CREM: variants seen among roughly 807,000 people sequenced by gnomAD.
CREM encodes cAMP responsive element modulator.
Under a neutral mutation model 37.3 loss-of-function variants are expected in CREM, and 13 were observed. The ratio of observed to expected loss-of-function variants is 0.35; its 90% CI spans 0.23 to 0.55. CREM has a LOEUF of 0.55. Among genes scored for constraint, CREM ranks in the 20% least tolerant of loss-of-function variants. The pLI, the probability that CREM is intolerant of heterozygous loss-of-function variation, is 0.88. For missense variants in CREM, 296 were observed against 362.3 expected, an observed-to-expected ratio of 0.82 and a Z score of 1.49; for synonymous variants, 124 against 120.2, an observed-to-expected ratio of 1.03 and a Z score of -0.21.
chr10:35,209,213 C>T, intron 7 of CREM: 1 of 685,888 alleles, frequency 1.5e-6, no homozygotes, highest in Non-Finnish European at 1.8e-6. Context: ...AGATAGATCT[C>T]TTACATATTT....
intron 6 of CREM, among the ~76,000 whole-genome samples, chr10:35,201,264 G>A (rs1344081186): frequency 2.6e-5 from 4 of 152,156 alleles, no homozygotes; most frequent in Non-Finnish European, 5.9e-5. Context: ...TGTTATATGC[G>A]TTTTAACTAA....
intron 2 of CREM, among the ~76,000 whole-genome samples, chr10:35,146,166 A>C (rs1166248014): frequency 2.0e-5 from 3 of 152,256 alleles, no homozygotes; most frequent in Non-Finnish European, 4.4e-5. Context: ...TTCGGCATAT[A>C]ATTTTTGAGT....
At chr10:35,154,314 A>G in intron 3 of CREM, 1 of 374,340 alleles carries the variant, frequency 2.7e-6, no homozygotes, top group Admixed American at 4.5e-5. Flanking sequence ...ATGAGCAAAC[A>G]AATAGAAGAC....
intron 1 of CREM, among the ~76,000 whole-genome samples, chr10:35,132,587 C>T (rs895223994): frequency 2.0e-5 from 3 of 152,154 alleles, no homozygotes; most frequent in Non-Finnish European, 2.9e-5. Context: ...TATTTATTTA[C>T]GAGTATCCCT....
intron 3 of CREM, among the ~76,000 whole-genome samples, chr10:35,168,367 A>C (rs2093651391): frequency 6.6e-6 from 1 of 152,042 alleles, no homozygotes; most frequent in African/African-American, 2.4e-5. Context: ...GCATTTTTTC[A>C]TGTGTCTGTT....
At chr10:35,184,166 G>A (rs1564909016) in intron 5 of CREM, among the ~76,000 whole-genome samples, 1 of 152,182 alleles carries the variant, frequency 6.6e-6, no homozygotes. Context: ...AGAAGGCTGA[G>A]GCAGAAGGAT....
At chr10:35,141,178 GT>G (rs544102328) in intron 2 of CREM, among the ~76,000 whole-genome samples, 151 of 152,268 alleles carry the variant, frequency 9.9e-4, no homozygotes, top group African/African-American at 3.5e-3. Flanking sequence ...ACTGATGATA[GT>G]GATCTTATAG....
At chr10:35,144,714 A>G (rs2091861065) in intron 2 of CREM, among the ~76,000 whole-genome samples, 1 of 151,332 alleles carries the variant, frequency 6.6e-6, no homozygotes, top group East Asian at 1.9e-4. Context: ...AGGCCTGAAT[A>G]GTTTATCTTT....
At chr10:35,138,414 C>G (rs2090922717) in intron 2 of CREM, among the ~76,000 whole-genome samples, 1 of 152,016 alleles carries the variant, frequency 6.6e-6, no homozygotes, top group Non-Finnish European at 1.5e-5. Context: ...TAATAACTTC[C>G]TTTTCCAATT....
At position 35,146,054 on chromosome 10, in the gene CREM, C is replaced by T. The variant is rs1246388855; in HGVS notation, c.45-2314C>T. Among the ~76,000 whole-genome samples, 10 of 152,300 alleles carry T rather than the reference C, an allele frequency of 6.6e-5. No homozygotes were observed. The East Asian group carries it at 1.9e-3, about 29-fold the overall frequency. On this transcript the variant is annotated intron_variant, in intron 2 of 7. Coordinates refer to ENST00000685392, the MANE Select transcript of CREM (RefSeq NM_183011.2). ...ATGTAGTTAATGGATTCCATCAGGG[C>T]AAGGGCCATGACTTATCTGCTTTTG...
intron 3 of CREM, among the ~76,000 whole-genome samples, chr10:35,167,360 TGTA>T (rs1366177486): frequency 6.6e-6 from 1 of 152,228 alleles, no homozygotes; most frequent in African/African-American, 2.4e-5. Context: ...GTATTTTTAT[TGTA>T]GTCCTTAAAC....
At chr10:35,145,144 G>GATCA (rs142473864) in intron 2 of CREM, among the ~76,000 whole-genome samples, 1 of 137,206 alleles carries the variant, frequency 7.3e-6, no homozygotes, top group African/African-American at 2.8e-5. Flanking sequence ...CTGGGTGACA[G>GATCA]AGCAAGACAC....
rs115174699 is a variant in CREM at position 35,167,887 on chromosome 10, T to C, written c.169-11002T>C. 1,159 of 1,233,698 alleles carry C rather than the reference T, an allele frequency of 9.4e-4. 9 individuals carry two copies. In the African/African-American group the frequency reaches 0.015, roughly 16 times the overall value. The allele number at this position is 1,233,698 out of a possible 1,614,324, so 76.4% of individuals were successfully genotyped here. ...AAAAATTGTGAAATATAAAATAACA[T>C]CCATTTTATGTTTTAGTTTTTTGTT... On this transcript the variant is annotated intron_variant, in intron 3 of 7. Transcript: ENST00000685392.
At chr10:35,153,847 A>G (rs1309478879) in intron 3 of CREM, among the ~76,000 whole-genome samples, 1 of 152,224 alleles carries the variant, frequency 6.6e-6, no homozygotes, top group Non-Finnish European at 1.5e-5. Flanking sequence ...ATTAGTTCTG[A>G]TATAACACTT....
At chr10:35,168,508 A>G (rs1251271945) in intron 3 of CREM, among the ~76,000 whole-genome samples, 1 of 152,228 alleles carries the variant, frequency 6.6e-6, no homozygotes, top group Admixed American at 6.5e-5. Context: ...GCCCATTGTC[A>G]GATGAGTAGA....
rs768797350 is a variant in CREM, at chr10:35,170,589, G to T, written c.169-8300G>T. Reference sequence around the variant, plus strand: ...GCCTCAATTTCAGAGCCTGTTATTGGTCTATTCAGGAATTCAACTTCTTCC... The same window carrying T: ...GCCTCAATTTCAGAGCCTGTTATTGTTCTATTCAGGAATTCAACTTCTTCC... On this transcript the variant is annotated intron_variant, in intron 3 of 7. Coordinates refer to ENST00000685392, the MANE Select transcript of CREM (RefSeq NM_183011.2). Among the ~76,000 whole-genome samples the T allele has an allele frequency of 1.9e-4, 29 of 152,160 alleles. 1 individual carries two copies. The highest frequency in any genetic ancestry group is 3.7e-4 in the Non-Finnish European group (25 of 68,036).
chr10:35,199,403 ATATT>A (rs2095315985), intron 6 of CREM, among the ~76,000 whole-genome samples: 1 of 152,268 alleles, frequency 6.6e-6, no homozygotes, highest in African/African-American at 2.4e-5. Flanking sequence ...TTAGGCAAAT[ATATT>A]TATTCATTTA....
At chr10:35,181,345 A>G (rs559435383) in intron 5 of CREM, among the ~76,000 whole-genome samples, 24 of 152,344 alleles carry the variant, frequency 1.6e-4, no homozygotes, top group African/African-American at 5.5e-4. Context: ...AGTAGGGGGA[A>G]AAAGACATGC....
chr10:35,211,176 G>C (rs2095658235), intron 7 of CREM, 78 bp from the exon 8 acceptor site: 1 of 1,512,872 alleles, frequency 6.6e-7, no homozygotes, highest in Non-Finnish European at 9.0e-7. Context: ...TTGAGTTCGG[G>C]GGGCAGAAGT....
Sources: gnomAD v4.1 joint callset for allele counts (sites outside exome capture counted in the v4.1 genomes callset) on GRCh38, gnomAD v4.1.1 for gene constraint, MANE v1.5 for transcripts, NCBI Gene and HGNC (gene_info 2026-07-23, HGNC 2026-07-21) for gene names.